The following PUF60 variants were observed in gnomAD, a reference collection of about 807,000 sequenced individuals.
PUF60 encodes the protein poly(U)-binding-splicing factor PUF60.
A neutral mutation model predicts 61.8 loss-of-function variants in PUF60; 10 were observed. The ratio of observed to expected loss-of-function variants is 0.16; its 90% confidence interval spans 0.10 to 0.27. PUF60 has a LOEUF of 0.27. Ranked by LOEUF, PUF60 falls within the 10% of genes least tolerant of loss-of-function variation. The pLI is 1.00. For synonymous variants in PUF60, 353 were observed against 300.9 expected (o/e 1.17, Z -1.79); for missense variants, 371 against 754.0 (o/e 0.49, Z 5.95).
In PUF60 at chr8:143,816,512, G is replaced by A. The variant is rs773052944; in HGVS notation, c.*8C>T. 11 of 1,600,488 alleles carry A rather than the reference G, an allele frequency of 6.9e-6. No homozygotes were observed. Among genetic ancestry groups the A allele is most frequent in the Admixed American group, 3.4e-5 (2 of 59,136 alleles). ...GAACAAGTGCAAGTCCGGGGAGAGGGACCACTGTCACGCAGAGAGGTCACT... is the reference window on the plus strand; with the variant it reads ...GAACAAGTGCAAGTCCGGGGAGAGGAACCACTGTCACGCAGAGAGGTCACT... On this transcript the variant is annotated 3_prime_UTR_variant, in exon 12 of 12. Coordinates refer to ENST00000526683, the MANE Select transcript of PUF60 (RefSeq NM_078480.3).
Position 143,817,561 on chromosome 8 carries a change from C to T in PUF60, c.1008+31G>A. The T allele has an allele frequency of 6.2e-7, 1 of 1,609,456 alleles. No homozygotes were observed. The highest frequency in any genetic ancestry group is 2.2e-5 in the East Asian group (1 of 44,876). On this transcript the variant is annotated intron_variant, in intron 9 of 11. Transcript: ENST00000526683. The surrounding 1 kb of genome is among the most constrained non-coding windows in gnomAD (Gnocchi z 7.4). Reference sequence around the variant, plus strand: ...AAGGAATCAGGGGCCAGCCCGCCCACCCTCAAGCCGACAGCTGTGTGGGCC... The same window carrying T: ...AAGGAATCAGGGGCCAGCCCGCCCATCCTCAAGCCGACAGCTGTGTGGGCC...
chr8:143,822,766 G>C (rs1319532424), intron 2 of PUF60: 1 of 350,506 alleles, frequency 2.9e-6, no homozygotes, highest in African/African-American at 2.1e-5. Context: ...TGTGTGAGCA[G>C]GGAGGCATGG....
chr8:143,824,878 AG>A (rs1336310066), intron 1 of PUF60: 1 of 179,640 alleles, frequency 5.6e-6, no homozygotes, highest in African/African-American at 2.4e-5. Flanking sequence ...TCTCTCCTGA[AG>A]ACACTTTTAA....
intron 1 of PUF60, chr8:143,825,235 G>A (rs1374255363): frequency 1.3e-5 from 2 of 152,324 alleles, no homozygotes; most frequent in South Asian, 2.1e-4. Flanking sequence ...TCTAAGAACA[G>A]AAGAGATCAG....
intron 1 of PUF60, among the ~76,000 whole-genome samples, chr8:143,826,352 G>A (rs542944373): frequency 1.6e-4 from 25 of 152,302 alleles, no homozygotes; most frequent in Middle Eastern, 3.4e-3. Context: ...TTGGGAGACC[G>A]ATGTAGCACT....
At chr8:143,827,100 C>G (rs1817719854) in intron 1 of PUF60, 1 of 322,182 alleles carries the variant, frequency 3.1e-6, no homozygotes, top group African/African-American at 2.2e-5. Context: ...ACGTCTCTCT[C>G]AGGAGCCTGG....
intron 1 of PUF60, among the ~76,000 whole-genome samples, chr8:143,828,118 G>A (rs1288711544): frequency 6.6e-6 from 1 of 152,210 alleles, no homozygotes; most frequent in Admixed American, 6.5e-5. Flanking sequence ...CCAGTCCTGT[G>A]AATCACACAC....
intron 1 of PUF60, among the ~76,000 whole-genome samples, chr8:143,827,916 T>C (rs1817818410): frequency 6.6e-6 from 1 of 152,152 alleles, no homozygotes; most frequent in Admixed American, 6.5e-5. Context: ...GCATCCACTC[T>C]CCTCCTCCAC....
intron 2 of PUF60, 23 bp from the exon 3 acceptor site, chr8:143,821,936 C>T (rs1284542173): frequency 6.5e-7 from 1 of 1,549,756 alleles, no homozygotes; most frequent in Non-Finnish European, 8.7e-7. Flanking sequence ...CAGGGGAATC[C>T]ATCAGCAGCA....
intron 1 of PUF60, chr8:143,828,846 C>T: frequency 1.2e-6 from 1 of 849,780 alleles, no homozygotes; most frequent in Admixed American, 6.2e-5. Context: ...AGCTGCAGGC[C>T]CCTTTCTACA....
At position 143,816,443 on chromosome 8, in the gene PUF60, C is replaced by T. The variant is rs1304202798; in HGVS notation, c.*77G>A. The T allele has an allele frequency of 1.3e-6, 2 of 1,503,748 alleles. No individual in the cohort carries two copies. Among genetic ancestry groups the T allele is most frequent in the Non-Finnish European group, 1.8e-6 (2 of 1,122,062 alleles). The allele number at this position is 1,503,748 out of a possible 1,614,324, so 93.2% of individuals were successfully genotyped here. Reference sequence around the variant, plus strand: ...CTGGGCTGGGCAGAGCGCGCCTGGCCCCGGGGACACCACTGTATCACTATA... The same window carrying T: ...CTGGGCTGGGCAGAGCGCGCCTGGCTCCGGGGACACCACTGTATCACTATA... On this transcript the variant is annotated 3_prime_UTR_variant, in exon 12 of 12. Transcript: ENST00000526683.
chr8:143,824,240 GGA>G lies in PUF60; in HGVS notation c.111+71_111+72del, dbSNP rs879286871. 4.9e-3 allele frequency: 7,131 copies of G among 1,461,066 alleles called. 23 individuals carry two copies. Among genetic ancestry groups the G allele is most frequent in the Non-Finnish European group, 5.6e-3 (5,991 of 1,072,678 alleles). The allele number at this position is 1,461,066 out of a possible 1,614,324, so 90.5% of individuals were successfully genotyped here. A position where few individuals can be genotyped will look rare whatever the true frequency, so the allele number is the denominator to read the frequency against. Reference sequence around the variant, plus strand: ...CCCAGCCAGCCCTCTCTGGGCCCAGGGACGCACAGGCAGGCGGGCGGGCGGGC... The same window carrying G: ...CCCAGCCAGCCCTCTCTGGGCCCAGGCGCACAGGCAGGCGGGCGGGCGGGC... On this transcript the variant is annotated intron_variant, in intron 2 of 11. Coordinates refer to ENST00000526683, the MANE Select transcript of PUF60 (RefSeq NM_078480.3).
intron 2 of PUF60, chr8:143,823,034 G>A (rs1020451677): frequency 4.1e-5 from 7 of 172,660 alleles, no homozygotes; most frequent in Non-Finnish European, 7.4e-5. Flanking sequence ...CTGGGATGCT[G>A]GCCCAGGCTC....
intron 4 of PUF60, 53 bp from the exon 5 acceptor site, chr8:143,820,769 C>T: frequency 1.3e-6 from 2 of 1,519,726 alleles, no homozygotes; most frequent in Non-Finnish European, 1.8e-6. Context: ...CAGTCTCCCG[C>T]TCTCGTCAAC....
At chr8:143,822,982 G>A (rs1210214405) in intron 2 of PUF60, 1 of 177,412 alleles carries the variant, frequency 5.6e-6, no homozygotes, top group African/African-American at 2.4e-5. Context: ...GGAAGGGACA[G>A]GCTGGCCCAA....
intron 1 of PUF60, among the ~76,000 whole-genome samples, chr8:143,827,980 TCTGA>T (rs1196934029): frequency 7.2e-5 from 11 of 152,186 alleles, no homozygotes; most frequent in Non-Finnish European, 5.9e-5. Context: ...CCATCAACTC[TCTGA>T]CTGCTGCCTG....
rs771715172 is a variant in PUF60 at position 143,817,703 on chromosome 8, C to T, written c.897G>A (p.Val299=). The change falls in exon 9 of 12, where the codon GTG becomes GTA. Residue 299 remains valine, a synonymous_variant. Coordinates refer to ENST00000526683, the MANE Select transcript of PUF60 (RefSeq NM_078480.3). This position sits in a 1 kb window ranked among gnomAD's most constrained non-coding sequence, Gnocchi z 7.4. Reference sequence around the variant, plus strand: ...GCATGGGCGGTGTGACAGCCTTGCCCACCCGCAAGTACTGGCCACCCAGGT... The same window carrying T: ...GCATGGGCGGTGTGACAGCCTTGCCTACCCGCAAGTACTGGCCACCCAGGT... ...LFDLGGQYLR[V]GKAVTPPMPL... 7 of 1,612,584 alleles carry T rather than the reference C, an allele frequency of 4.3e-6. No individual in the cohort carries two copies. Among genetic ancestry groups the T allele is most frequent in the African/African-American group, 4.0e-5 (3 of 74,938 alleles).
chr8:143,819,721 C>G (rs961072265), intron 5 of PUF60, among the ~76,000 whole-genome samples: 1 of 152,082 alleles, frequency 6.6e-6, no homozygotes, highest in Non-Finnish European at 1.5e-5. Context: ...AAGACCCCCC[C>G]AAAGGTGGAA....
rs1231290933 is a variant in PUF60 at position 143,824,306 on chromosome 8, T to A, written c.111+7A>T. 3 of 1,606,108 alleles carry A rather than the reference T, an allele frequency of 1.9e-6. No individual in the cohort carries two copies. Among genetic ancestry groups the A allele is most frequent in the Admixed American group, 1.7e-5 (1 of 59,462 alleles). On this transcript the variant is annotated splice_region_variant and intron_variant, in intron 2 of 11. Coordinates refer to ENST00000526683, the MANE Select transcript of PUF60 (RefSeq NM_078480.3). Reference sequence around the variant, plus strand: ...GGCCTGAGGGAGAGGATGCTTAAGGTCAGTACCTGTGGAGGTTTCCATTTG... The same window carrying A: ...GGCCTGAGGGAGAGGATGCTTAAGGACAGTACCTGTGGAGGTTTCCATTTG...
Sources: allele counts gnomAD v4.1 joint callset (sites outside exome capture counted in the v4.1 genomes callset), GRCh38; gene constraint gnomAD v4.1.1; non-coding constraint Gnocchi (gnomAD v3.1); transcripts MANE v1.5; gene names NCBI Gene and HGNC (gene_info 2026-07-23, HGNC 2026-07-21).